Variants in LRP1B observed in about 807,000 individuals in gnomAD.
LRP1B encodes low-density lipoprotein receptor-related protein 1B.
LRP1B carries 217 observed loss-of-function variants against 556.6 expected under a neutral mutation model. That is an observed-to-expected ratio of 0.39 (90% CI 0.35 to 0.44). LRP1B has a LOEUF of 0.44. Among genes scored for constraint, LRP1B ranks in the 20% least tolerant of loss-of-function variants. The pLI is 1.00. For missense variants in LRP1B, 5,053 were observed against 5,620.8 expected (o/e 0.90, Z 3.23); for synonymous variants, 2,047 against 1,865.8 (o/e 1.10, Z -2.50).
intron 25 of LRP1B, among the ~76,000 whole-genome samples, chr2:140,875,385 A>G (rs1693273258): frequency 6.6e-6 from 1 of 152,198 alleles, no homozygotes; most frequent in Non-Finnish European, 1.5e-5. Flanking sequence ...TATGGAAGTT[A>G]TATCTTATGG....
At chr2:141,653,524 C>G (rs1165014462) in intron 2 of LRP1B, among the ~76,000 whole-genome samples, 1 of 152,228 alleles carries the variant, frequency 6.6e-6, no homozygotes, top group Non-Finnish European at 1.5e-5. Flanking sequence ...ATAATATCTA[C>G]AGATCCAGTT....
chr2:140,444,124 T>C (rs1217451591), intron 65 of LRP1B, among the ~76,000 whole-genome samples: 1 of 152,220 alleles, frequency 6.6e-6, no homozygotes, highest in African/African-American at 2.4e-5. Context: ...TACAGGTAGA[T>C]TTTAAAGTAA....
At chr2:141,917,271 A>G (rs568461492) in intron 1 of LRP1B, among the ~76,000 whole-genome samples, 1 of 152,296 alleles carries the variant, frequency 6.6e-6, no homozygotes, top group East Asian at 1.9e-4. Flanking sequence ...ATCAGAGGCC[A>G]TCACATATTA....
At chr2:140,874,573 CATTATT>C (rs757476004) in intron 25 of LRP1B, among the ~76,000 whole-genome samples, 53 of 151,798 alleles carry the variant, frequency 3.5e-4, no homozygotes, top group Non-Finnish European at 5.6e-4. Flanking sequence ...ACTCCTATGT[CATTATT>C]ATTAAGTTTT....
intron 2 of LRP1B, among the ~76,000 whole-genome samples, chr2:141,780,554 C>T (rs1270629405): frequency 1.3e-5 from 2 of 152,164 alleles, no homozygotes; most frequent in East Asian, 1.9e-4. Context: ...GGTGTAAATT[C>T]TCCCACCACG....
intron 35 of LRP1B, among the ~76,000 whole-genome samples, chr2:140,755,082 G>A (rs1189733242): frequency 6.6e-6 from 1 of 152,058 alleles, no homozygotes; most frequent in South Asian, 2.1e-4. Flanking sequence ...TAGATAAAAT[G>A]TACAAATTTT....
intron 3 of LRP1B, among the ~76,000 whole-genome samples, chr2:141,269,461 C>T (rs2105365991): frequency 6.6e-6 from 1 of 152,240 alleles, no homozygotes. Context: ...AATAAAGACA[C>T]ACAGCTTAAT....
At chr2:140,859,296 ATTAATAGTCC>A (rs1400654208) in intron 27 of LRP1B, among the ~76,000 whole-genome samples, 1 of 152,200 alleles carries the variant, frequency 6.6e-6, no homozygotes, top group East Asian at 1.9e-4. Flanking sequence ...AATTGAAAAT[ATTAATAGTCC>A]TATATGAAAT....
At chr2:141,257,460 ACT>A (rs1416949928) in intron 3 of LRP1B, among the ~76,000 whole-genome samples, 1 of 152,070 alleles carries the variant, frequency 6.6e-6, no homozygotes. Context: ...CCATCTTTCT[ACT>A]CTCTCTACTT....
intron 2 of LRP1B, among the ~76,000 whole-genome samples, chr2:141,753,104 T>A (rs1694178325): frequency 6.8e-6 from 1 of 147,684 alleles, no homozygotes. Flanking sequence ...TAAAATTAGC[T>A]GGGCATGGTG....
chr2:141,568,465 C>G (rs914976063), intron 2 of LRP1B, among the ~76,000 whole-genome samples: 13 of 150,926 alleles, frequency 8.6e-5, no homozygotes, highest in African/African-American at 2.9e-4. Context: ...AAGTTCTTTG[C>G]CACAAAGACA....
chr2:140,715,892 C>A (rs2105460750), intron 37 of LRP1B, 81 bp downstream of exon 37: 2 of 1,186,226 alleles, frequency 1.7e-6, no homozygotes, highest in South Asian at 2.0e-5. Context: ...GACATTACAG[C>A]TAAAAGTAAT....
chr2:142,080,531 A>T (rs1266844904), intron 1 of LRP1B, among the ~76,000 whole-genome samples: 1 of 152,174 alleles, frequency 6.6e-6, no homozygotes, highest in Non-Finnish European at 1.5e-5. Flanking sequence ...TTGTAAAAAA[A>T]ATAAATAAAT....
At chr2:141,796,568 G>A (rs1695818468) in intron 2 of LRP1B, among the ~76,000 whole-genome samples, 1 of 140,392 alleles carries the variant, frequency 7.1e-6, no homozygotes, top group Non-Finnish European at 1.5e-5. Flanking sequence ...CATAGAGATA[G>A]CATTTTATTC....
intron 3 of LRP1B, among the ~76,000 whole-genome samples, chr2:141,399,822 G>A (rs1418509371): frequency 6.6e-6 from 1 of 152,166 alleles, no homozygotes; most frequent in Non-Finnish European, 1.5e-5. Flanking sequence ...AATCTACAAT[G>A]TTCTACTGTC....
In LRP1B at chr2:140,319,296, A is replaced by G. The variant is rs994145588; in HGVS notation, c.12640+2667T>C. ...CTTGTAACATCAGAGCCAATGTAAA[A>G]GTCACTTGGTAGCATTATTAGTTTA... On this transcript the variant is annotated intron_variant, in intron 82 of 90. Coordinates refer to ENST00000389484, the MANE Select transcript of LRP1B (RefSeq NM_018557.3). 2.0e-5 allele frequency among the ~76,000 whole-genome samples: 3 copies of G among 152,144 alleles called. No homozygotes were observed. In the East Asian group the frequency reaches 5.8e-4, roughly 29 times the overall value.
chr2:140,256,370 C>T (rs537315958), intron 86 of LRP1B, among the ~76,000 whole-genome samples: 2 of 151,234 alleles, frequency 1.3e-5, no homozygotes, highest in South Asian at 4.2e-4. Context: ...TTAGTCTCCC[C>T]CTTAAATCTC....
At chr2:140,340,257 G>T (rs1484576216) in intron 77 of LRP1B, among the ~76,000 whole-genome samples, 1 of 151,446 alleles carries the variant, frequency 6.6e-6, no homozygotes, top group East Asian at 1.9e-4. Flanking sequence ...TTAAATCCTA[G>T]TCCTAGTTTC....
At chr2:141,696,759 A>G (rs1330574142) in intron 2 of LRP1B, among the ~76,000 whole-genome samples, 1 of 151,992 alleles carries the variant, frequency 6.6e-6, no homozygotes, top group African/African-American at 2.4e-5. Context: ...GAAGATTAAG[A>G]AACTAAATAT....
Sources: gnomAD v4.1 joint callset for allele counts (sites outside exome capture counted in the v4.1 genomes callset) on GRCh38, gnomAD v4.1.1 for gene constraint, MANE v1.5 for transcripts, NCBI Gene and HGNC (gene_info 2026-07-23, HGNC 2026-07-21) for gene names.